The following SLC37A1 variants were observed in gnomAD, a reference collection of about 807,000 sequenced individuals.
SLC37A1 encodes solute carrier family 37 member 1.
A neutral mutation model predicts 75.3 loss-of-function variants in SLC37A1; 49 were observed. The observed-to-expected ratio is 0.65, with a 90% CI of 0.52 to 0.83. SLC37A1 has a LOEUF of 0.83. SLC37A1 is among the 40% of genes least tolerant of loss of function. The pLI is 0.00. For synonymous variants in SLC37A1, 268 were observed against 292.1 expected (o/e 0.92, Z 0.84); for missense variants, 566 against 695.0 (o/e 0.81, Z 2.09).
intron 2 of SLC37A1, among the ~76,000 whole-genome samples, chr21:42,524,634 G>T (rs2054734599): frequency 6.6e-6 from 1 of 152,232 alleles, no homozygotes; most frequent in African/African-American, 2.4e-5. Context: ...GAAACTTGTG[G>T]TTAGTTTTGT....
chr21:42,574,968 T>C (rs1399264986), intron 18 of SLC37A1, 53 bp downstream of exon 18: 1 of 1,609,068 alleles, frequency 6.2e-7, no homozygotes, highest in African/African-American at 1.3e-5. Flanking sequence ...TCTCTGTGGT[T>C]GTGTCCAAAC....
intron 9 of SLC37A1, among the ~76,000 whole-genome samples, chr21:42,550,406 A>G (rs2055527597): frequency 6.6e-6 from 1 of 152,272 alleles, no homozygotes; most frequent in Non-Finnish European, 1.5e-5. Context: ...GACTCAAGAG[A>G]GGAGGAAATC....
rs751453208 is a variant in SLC37A1 at position 42,559,031 on chromosome 21, C to G, written c.923C>G (p.Pro308Arg). The G allele has an allele frequency of 6.2e-7, 1 of 1,613,856 alleles. No individual in the cohort carries two copies. Among genetic ancestry groups the G allele is most frequent in the Non-Finnish European group, 8.5e-7 (1 of 1,179,910 alleles). The stretch of plus-strand genomic sequence containing the variant: ...CACCCGAACCACGTCGTCATTCTCC[C>G]CGGGGACGGTGGGAGTGGCACGGCC... ...SIHPNHVVIL[P>R]GDGGSGTAAI... Residue 308 changes from proline to arginine, a missense_variant, in exon 11 of 20, where the codon CCC becomes CGC. By Grantham distance (103) the Pro-to-Arg change is moderately radical. Coordinates refer to ENST00000352133, the MANE Select transcript of SLC37A1 (RefSeq NM_001320537.2).
intron 11 of SLC37A1, among the ~76,000 whole-genome samples, chr21:42,559,892 C>CAAAA (rs1306323145): frequency 3.4e-5 from 5 of 147,148 alleles, no homozygotes; most frequent in Non-Finnish European, 4.5e-5. Flanking sequence ...AAAAAAAAAC[C>CAAAA]CAAAAAGTGC....
intron 4 of SLC37A1, 136 bp downstream of exon 4, chr21:42,534,966 A>G (rs375815797): frequency 3.4e-5 from 42 of 1,239,042 alleles, no homozygotes; most frequent in East Asian, 2.9e-4. Flanking sequence ...CAAAAAGCAC[A>G]TGACTTCACC....
Position 42,546,959 on chromosome 21 carries a change from A to C in SLC37A1, c.731-144A>C, listed in dbSNP as rs1307156164. 3.2e-6 allele frequency: 3 copies of C among 945,344 alleles called. No individual in the cohort carries two copies. In the South Asian group the frequency reaches 4.7e-5, roughly 15 times the overall value. The allele number at this position is 945,344 out of a possible 1,614,324, so 58.6% of individuals were successfully genotyped here. A position where few individuals can be genotyped will look rare whatever the true frequency, so the allele number is the denominator to read the frequency against. On this transcript the variant is annotated intron_variant, in intron 8 of 19. Transcript: ENST00000352133. ...TTGTTTTTGTGGCAAGAGCAGCTCA[A>C]ATCCACTCATTTAATGTGAATCCTG...
chr21:42,531,728 T>C (rs915310035), intron 3 of SLC37A1, among the ~76,000 whole-genome samples: 5 of 152,132 alleles, frequency 3.3e-5, no homozygotes, highest in African/African-American at 4.8e-5. Flanking sequence ...AAGTTTGCAT[T>C]GTCTCTGGAA....
At chr21:42,578,608 C>G (rs1051394558) in intron 18 of SLC37A1, among the ~76,000 whole-genome samples, 1 of 152,174 alleles carries the variant, frequency 6.6e-6, no homozygotes, top group African/African-American at 2.4e-5. Context: ...TAACAAAAAT[C>G]TTGCTATTGT....
chr21:42,522,438 C>T (rs114738896), intron 2 of SLC37A1, among the ~76,000 whole-genome samples: 5,935 of 152,222 alleles, frequency 0.039, 388 homozygotes, highest in African/African-American at 0.14. Flanking sequence ...AGAGGCCAGG[C>T]GTATCGGGGT....
chr21:42,519,982 G>GTGTGTGTGCA (rs1179191161), intron 2 of SLC37A1, among the ~76,000 whole-genome samples: 2 of 152,046 alleles, frequency 1.3e-5, no homozygotes, highest in African/African-American at 4.8e-5. Context: ...GTGTGTGTGT[G>GTGTGTGTGCA]TGCATGTGTG....
chr21:42,574,859 T>C lies in SLC37A1; in HGVS notation c.1465T>C (p.Ser489Pro). The change falls in exon 18 of 20, where the codon TCC (serine) becomes CCC (proline). Residue 489 changes from serine (S) to proline (P), a missense_variant. By Grantham distance (74) the Ser-to-Pro change is moderately conservative. Transcript: ENST00000352133. ...CCTGCTGGCTGGGCTCCTCTCCCCG[T>C]CCGGCTGGAGCAATGTGTTTTACAT... ...GPLLAGLLSP[S>P]GWSNVFYMLM... 1 of 1,614,198 alleles carries C rather than the reference T, an allele frequency of 6.2e-7. No homozygotes were observed.
intron 2 of SLC37A1, 102 bp from the exon 3 acceptor site, chr21:42,525,674 G>A: frequency 1.3e-6 from 1 of 771,174 alleles, no homozygotes; most frequent in South Asian, 1.6e-5. Context: ...AGAACTGAAT[G>A]AATAATACAC....
At chr21:42,501,385 G>C (rs897971064) in intron 1 of SLC37A1, among the ~76,000 whole-genome samples, 3 of 151,958 alleles carry the variant, frequency 2.0e-5, no homozygotes, top group African/African-American at 7.3e-5. Flanking sequence ...ACCCATTGGG[G>C]GGCAAATTCT....
At chr21:42,578,849 G>A (rs983218827) in intron 18 of SLC37A1, among the ~76,000 whole-genome samples, 2 of 152,176 alleles carry the variant, frequency 1.3e-5, no homozygotes, top group African/African-American at 4.8e-5. Flanking sequence ...CTGGCCTGAG[G>A]CTTGGTGGTG....
chr21:42,578,192 T>G (rs1413142475), intron 18 of SLC37A1, among the ~76,000 whole-genome samples: 2 of 152,218 alleles, frequency 1.3e-5, no homozygotes, highest in Non-Finnish European at 2.9e-5. Flanking sequence ...CAACACACAC[T>G]GATGGCCAGC....
rs894800114 is a variant in SLC37A1, at chr21:42,547,070, C to A, written c.731-33C>A. ...TACTTGGCATTGCCATGGTGGTGGACCTGCTCAGCCTCACTCATGTTTGCT... is the reference window on the plus strand; with the variant it reads ...TACTTGGCATTGCCATGGTGGTGGAACTGCTCAGCCTCACTCATGTTTGCT... On this transcript the variant is annotated intron_variant, in intron 8 of 19. Coordinates refer to ENST00000352133, the MANE Select transcript of SLC37A1 (RefSeq NM_001320537.2). The surrounding 1 kb of genome is among the most constrained non-coding windows in gnomAD (Gnocchi z 6.1). 9 of 1,613,988 alleles carry A rather than the reference C, an allele frequency of 5.6e-6. No individual in the cohort carries two copies. The highest frequency in any genetic ancestry group is 7.6e-6 in the Non-Finnish European group (9 of 1,179,992).
chr21:42,517,827 C>G (rs867996634), intron 1 of SLC37A1, among the ~76,000 whole-genome samples: 1 of 152,324 alleles, frequency 6.6e-6, no homozygotes, highest in East Asian at 1.9e-4. Context: ...TTGATCTGCC[C>G]TCTTGTCTAG....
At chr21:42,577,486 G>A (rs540294891) in intron 18 of SLC37A1, among the ~76,000 whole-genome samples, 2 of 152,178 alleles carry the variant, frequency 1.3e-5, no homozygotes, top group Admixed American at 6.5e-5. Context: ...ATATAAAAAA[G>A]AACTGAAATA....
intron 2 of SLC37A1, among the ~76,000 whole-genome samples, chr21:42,506,027 T>A (rs1369091540): frequency 6.6e-6 from 1 of 152,204 alleles, no homozygotes; most frequent in Non-Finnish European, 1.5e-5. Flanking sequence ...AGGCTAATGT[T>A]GTTGAAGTGG....
Sources: allele counts gnomAD v4.1 joint callset (sites outside exome capture counted in the v4.1 genomes callset), GRCh38; gene constraint gnomAD v4.1.1; non-coding constraint Gnocchi (gnomAD v3.1); transcripts MANE v1.5; gene names NCBI Gene and HGNC (gene_info 2026-07-23, HGNC 2026-07-21).